Variants in FBXL20 observed in about 807,000 individuals in gnomAD.
The protein encoded by FBXL20 is F-box and leucine rich repeat protein 20, also known as F-box/LRR-repeat protein 20.
Under a neutral mutation model 64.0 loss-of-function variants are expected in FBXL20, and 11 were observed. That is an observed-to-expected ratio of 0.17 (90% CI 0.11 to 0.28). The LOEUF is 0.28. FBXL20 is among the 10% of genes least tolerant of loss of function. The pLI, the probability that FBXL20 is intolerant of heterozygous loss-of-function variation, is 1.00. For synonymous variants in FBXL20, 184 were observed against 189.0 expected, an observed-to-expected ratio of 0.97 and a Z score of 0.22; for missense variants, 303 against 526.2, an observed-to-expected ratio of 0.58 and a Z score of 4.15.
chr17:39,324,189 T>G (rs2047387747), intron 2 of FBXL20, among the ~76,000 whole-genome samples: 1 of 149,824 alleles, frequency 6.7e-6, no homozygotes, highest in South Asian at 2.1e-4. Flanking sequence ...ATACCTGGAG[T>G]GCTTATTAAA....
chr17:39,351,517 TCC>T (rs201278067), intron 1 of FBXL20, among the ~76,000 whole-genome samples: 1,633 of 152,260 alleles, frequency 0.011, 27 homozygotes, highest in African/African-American at 0.037. Context: ...GAATCCAAAC[TCC>T]AGGTTTCTCA....
intron 10 of FBXL20, among the ~76,000 whole-genome samples, chr17:39,274,113 G>A (rs943113425): frequency 2.0e-5 from 3 of 152,140 alleles, no homozygotes; most frequent in Admixed American, 6.5e-5. Flanking sequence ...GGGCTCAAGC[G>A]ATCTTCTAGC....
chr17:39,366,703 G>A (rs1017743873), intron 1 of FBXL20, among the ~76,000 whole-genome samples: 1 of 152,158 alleles, frequency 6.6e-6, no homozygotes, highest in Admixed American at 6.6e-5. Flanking sequence ...TGAAGACACT[G>A]CTTGATGCAT....
intron 14 of FBXL20, among the ~76,000 whole-genome samples, chr17:39,262,791 G>A (rs928599582): frequency 2.6e-5 from 4 of 151,776 alleles, no homozygotes; most frequent in African/African-American, 4.8e-5. Flanking sequence ...GAGGTCAGGA[G>A]GTCGAGACCA....
At chr17:39,325,107 C>T (rs374432484) in intron 2 of FBXL20, among the ~76,000 whole-genome samples, 2 of 152,120 alleles carry the variant, frequency 1.3e-5, no homozygotes, top group East Asian at 1.9e-4. Flanking sequence ...ACTCAGGAGG[C>T]TGAGGTGAGA....
At chr17:39,397,958 A>G (rs2048199879) in intron 1 of FBXL20, among the ~76,000 whole-genome samples, 2 of 150,096 alleles carry the variant, frequency 1.3e-5, no homozygotes, top group South Asian at 4.2e-4. Flanking sequence ...CTCAAGTGTA[A>G]AACAGAATCG....
At chr17:39,354,910 A>G (rs1220466325) in intron 1 of FBXL20, among the ~76,000 whole-genome samples, 1 of 151,960 alleles carries the variant, frequency 6.6e-6, no homozygotes, top group Non-Finnish European at 1.5e-5. Context: ...TGTTCACCAC[A>G]TAAAATTTCT....
intron 6 of FBXL20, among the ~76,000 whole-genome samples, chr17:39,291,431 CTT>C (rs907454529): frequency 6.4e-4 from 71 of 110,494 alleles, no homozygotes; most frequent in African/African-American, 2.0e-3. Context: ...TAAAACTTTT[CTT>C]TTTTTTTTTT....
chr17:39,337,901 C>A (rs1032765673), intron 2 of FBXL20, among the ~76,000 whole-genome samples: 2 of 151,212 alleles, frequency 1.3e-5, no homozygotes, highest in Admixed American at 1.3e-4. Flanking sequence ...GCCACCCTAT[C>A]CGGGAGGGAG....
At chr17:39,370,778 G>C (rs983494938) in intron 1 of FBXL20, among the ~76,000 whole-genome samples, 51 of 147,858 alleles carry the variant, frequency 3.4e-4, no homozygotes, top group Admixed American at 1.2e-3. Context: ...CTGGGCGACA[G>C]AGCGAGACTC....
chr17:39,351,903 T>C (rs978067978), intron 1 of FBXL20, among the ~76,000 whole-genome samples: 1 of 152,228 alleles, frequency 6.6e-6, no homozygotes, highest in African/African-American at 2.4e-5. Context: ...TATACAATAA[T>C]ATACTGTTGG....
At chr17:39,391,925 C>A (rs2048137471) in intron 1 of FBXL20, among the ~76,000 whole-genome samples, 1 of 151,610 alleles carries the variant, frequency 6.6e-6, no homozygotes. Flanking sequence ...GGGTGGATCA[C>A]AAGGCCAGGA....
intron 1 of FBXL20, among the ~76,000 whole-genome samples, chr17:39,366,723 C>T (rs899242876): frequency 5.9e-5 from 9 of 152,094 alleles, no homozygotes; most frequent in East Asian, 1.9e-4. Context: ...TTTCTGACCT[C>T]GTAAGTTTCT....
At chr17:39,290,583 G>T (rs2047028778) in intron 6 of FBXL20, among the ~76,000 whole-genome samples, 1 of 151,776 alleles carries the variant, frequency 6.6e-6, no homozygotes. Flanking sequence ...ACTTTTTTTT[G>T]AGACAGGGCT....
intron 1 of FBXL20, among the ~76,000 whole-genome samples, chr17:39,389,847 C>A (rs1425493534): frequency 6.6e-6 from 1 of 152,038 alleles, no homozygotes; most frequent in Non-Finnish European, 1.5e-5. Flanking sequence ...ATAAATGCAT[C>A]TTTAATGTCT....
intron 2 of FBXL20, among the ~76,000 whole-genome samples, chr17:39,332,533 T>C (rs35682617): frequency 2.9e-5 from 4 of 140,276 alleles, no homozygotes; most frequent in African/African-American, 5.4e-5. Context: ...TTTTTCTTTG[T>C]ATCTTTTTTT....
chr17:39,261,287 G>T lies in FBXL20; in HGVS notation c.*173C>A. ...CATGGTCACAAAGCTAGAGTGGATGGGGGTAAGGGTGTGTATGTGTATGTA... is the reference window on the plus strand; with the variant it reads ...CATGGTCACAAAGCTAGAGTGGATGTGGGTAAGGGTGTGTATGTGTATGTA... On this transcript the variant is annotated 3_prime_UTR_variant, in exon 15 of 15. Coordinates refer to ENST00000264658, the MANE Select transcript of FBXL20 (RefSeq NM_032875.3). 3.4e-6 allele frequency: 2 copies of T among 579,716 alleles called. No homozygotes were observed. The highest frequency in any genetic ancestry group is 6.2e-6 in the Non-Finnish European group (2 of 320,794). The allele number at this position is 579,716 out of a possible 1,614,324, so 35.9% of individuals were successfully genotyped here.
In FBXL20 at chr17:39,282,858, T is replaced by C. The variant is rs1303106333; in HGVS notation, c.495-3A>G. On this transcript the variant is annotated splice_polypyrimidine_tract_variant and splice_region_variant and intron_variant, in intron 7 of 14. Coordinates refer to ENST00000264658, the MANE Select transcript of FBXL20 (RefSeq NM_032875.3). Reference sequence around the variant, plus strand: ...GCTCCAACAGTGGACATCCCTCACTTAGGATAAAACAAAATAAGAGAAACA... The same window carrying C: ...GCTCCAACAGTGGACATCCCTCACTCAGGATAAAACAAAATAAGAGAAACA... The C allele has an allele frequency of 2.5e-6, 4 of 1,614,092 alleles. No homozygotes were observed.
At chr17:39,305,848 G>A (rs776430185) in intron 2 of FBXL20, among the ~76,000 whole-genome samples, 89 of 152,096 alleles carry the variant, frequency 5.9e-4, no homozygotes, top group Non-Finnish European at 1.0e-3. Flanking sequence ...AGCCAGGCGT[G>A]GTGGTGGGGG....
Sources: allele counts gnomAD v4.1 joint callset (sites outside exome capture counted in the v4.1 genomes callset), GRCh38; gene constraint gnomAD v4.1.1; transcripts MANE v1.5; gene names NCBI Gene and HGNC (gene_info 2026-07-23, HGNC 2026-07-21).